The following MTMR1 variants were observed in gnomAD, a reference collection of about 807,000 sequenced individuals.
MTMR1 encodes myotubularin related protein 1, also known as phosphatidylinositol-3-phosphate phosphatase MTMR1.
A neutral mutation model predicts 51.6 loss-of-function variants in MTMR1; 17 were observed. That is an observed-to-expected ratio of 0.33 (90% confidence interval 0.23 to 0.49). The LOEUF is 0.49. MTMR1 is among the 20% of genes least tolerant of loss of function. The pLI is 0.99. For missense variants in MTMR1, 386 were observed against 526.9 expected (o/e 0.73, Z 2.62); for synonymous variants, 201 against 205.6 (o/e 0.98, Z 0.19).
intron 2 of MTMR1, among the ~76,000 whole-genome samples, chrX:150,708,205 A>G: frequency 8.9e-6 from 1 of 111,758 alleles, no homozygotes; most frequent in Non-Finnish European, 1.9e-5. Flanking sequence ...TAGTTTTGTA[A>G]TATGCTACGA....
Position 150,732,598 on chromosome X carries a change from A to G in MTMR1, c.948A>G (p.Pro316=). ...SQATITRCSQ[P]LVGPNDKRCK... ...CAACGATTACCCGTTGCAGCCAGCC[A>G]CTTGTGGGTCCCAATGATAAGCGCT... The change falls in exon 10 of 16, where the codon CCA becomes CCG. Residue 316 remains proline (P), a synonymous_variant. Coordinates refer to ENST00000445323, the MANE Select transcript of MTMR1 (RefSeq NM_001306144.3). The G allele has an allele frequency of 2.5e-6, 3 of 1,211,424 alleles. No homozygotes were observed. The highest frequency in any genetic ancestry group is 1.8e-5 in the South Asian group (1 of 56,842).
intron 12 of MTMR1, among the ~76,000 whole-genome samples, chrX:150,741,574 A>G (rs1260630827): frequency 1.8e-5 from 2 of 112,263 alleles, no homozygotes; most frequent in African/African-American, 6.5e-5. Context: ...TGATTTATAC[A>G]TCTTTGTCCC....
intron 12 of MTMR1, among the ~76,000 whole-genome samples, chrX:150,738,878 G>A (rs1352444040): frequency 6.3e-5 from 7 of 111,937 alleles, no homozygotes; most frequent in Non-Finnish European, 7.5e-5. Context: ...ATATACCTAG[G>A]AGTGAAATTG....
chrX:150,750,979 G>A, intron 14 of MTMR1, 136 bp downstream of exon 14: 1 of 1,107,458 alleles, frequency 9.0e-7, no homozygotes, highest in South Asian at 2.1e-5. Flanking sequence ...CCCTCCCAGG[G>A]TTCTGGCCAG....
intron 2 of MTMR1, 141 bp from the exon 3 acceptor site, chrX:150,712,201 A>G (rs1603240023): frequency 2.1e-6 from 1 of 478,927 alleles, no homozygotes. Flanking sequence ...TTAGAGGGCA[A>G]ATGTGTTATG....
chrX:150,699,405 AT>A, intron 2 of MTMR1, 105 bp downstream of exon 2: 1 of 476,308 alleles, frequency 2.1e-6, no homozygotes, highest in Non-Finnish European at 3.4e-6. Context: ...CAACATGGCC[AT>A]TTGCTCGAGA....
chrX:150,757,051 T>C (rs2042923612), intron 15 of MTMR1, among the ~76,000 whole-genome samples: 1 of 112,474 alleles, frequency 8.9e-6, no homozygotes, highest in Admixed American at 9.3e-5. Flanking sequence ...TGTCAGCCAA[T>C]GATACAGAAA....
intron 15 of MTMR1, among the ~76,000 whole-genome samples, chrX:150,760,799 C>T (rs1032574178): frequency 4.5e-5 from 5 of 110,130 alleles, no homozygotes; most frequent in African/African-American, 9.9e-5. Context: ...TGGTGGCGGG[C>T]GCCTGTAATC....
At chrX:150,697,303 G>T (rs1474234515) in intron 1 of MTMR1, among the ~76,000 whole-genome samples, 3 of 112,085 alleles carry the variant, frequency 2.7e-5, no homozygotes, top group Non-Finnish European at 5.6e-5. Flanking sequence ...GGTCTGTTTT[G>T]ATCAGAGACT....
intron 14 of MTMR1, among the ~76,000 whole-genome samples, chrX:150,751,910 C>CTTTTTTTT (rs35937277): frequency 2.4e-5 from 1 of 41,619 alleles, no homozygotes; most frequent in Non-Finnish European, 4.2e-5. Context: ...CTTTTTCTTT[C>CTTTTTTTT]TTTTTTTTTT....
At chrX:150,731,357 T>C in intron 8 of MTMR1, 113 bp from the exon 9 acceptor site, 1 of 642,830 alleles carries the variant, frequency 1.6e-6, no homozygotes, top group Admixed American at 3.8e-5. Flanking sequence ...AAACAATAAA[T>C]TATAAACGGA....
intron 15 of MTMR1, among the ~76,000 whole-genome samples, chrX:150,760,330 A>AG (rs1361897200): frequency 4.2e-5 from 4 of 96,250 alleles, no homozygotes; most frequent in African/African-American, 1.4e-4. Context: ...GAGGGAGTGC[A>AG]GGGGGGTAAA....
At chrX:150,712,298 A>G in intron 2 of MTMR1, 44 bp from the exon 3 acceptor site, 1 of 1,129,023 alleles carries the variant, frequency 8.9e-7, no homozygotes, top group Non-Finnish European at 1.2e-6. Flanking sequence ...ACAGGTCAAT[A>G]GTAACATGTC....
chrX:150,759,455 C>G (rs139465297), intron 15 of MTMR1, among the ~76,000 whole-genome samples: 1,245 of 109,039 alleles, frequency 0.011, 22 homozygotes, highest in African/African-American at 0.038. Flanking sequence ...AGAACCATGC[C>G]TGATCTGGAG....
At chrX:150,726,034 C>T (rs1165718999) in intron 4 of MTMR1, among the ~76,000 whole-genome samples, 8 of 111,779 alleles carry the variant, frequency 7.2e-5, no homozygotes, top group East Asian at 2.8e-4. Context: ...GCAGGGATCC[C>T]CAACCCATGG....
intron 11 of MTMR1, 33 bp downstream of exon 11, chrX:150,736,813 G>A: frequency 2.6e-6 from 3 of 1,137,755 alleles, no homozygotes; most frequent in Non-Finnish European, 3.5e-6. Context: ...ATGCTTTCCA[G>A]TTAAGACTTC....
intron 2 of MTMR1, among the ~76,000 whole-genome samples, chrX:150,699,893 CCTGGAGCATAACAGTTGCTCAATAA>C (rs2040851097): frequency 8.9e-6 from 1 of 112,404 alleles, no homozygotes; most frequent in Non-Finnish European, 1.9e-5. Context: ...CAGGCACAAT[CCTGGAGCATAACAGTTGCTCAATAA>C]ATATTGAATC....
chrX:150,738,594 G>A (rs1423318374), intron 12 of MTMR1, among the ~76,000 whole-genome samples: 1 of 111,635 alleles, frequency 9.0e-6, no homozygotes, highest in African/African-American at 3.3e-5. Flanking sequence ...CTTGCATATG[G>A]CCACCCTCTG....
intron 2 of MTMR1, among the ~76,000 whole-genome samples, chrX:150,711,464 G>A (rs1312693218): frequency 8.9e-6 from 1 of 112,368 alleles, no homozygotes. Flanking sequence ...TTCAGACTTT[G>A]AAATGGGGAA....
Sources: allele counts gnomAD v4.1 joint callset (sites outside exome capture counted in the v4.1 genomes callset), GRCh38; gene constraint gnomAD v4.1.1; transcripts MANE v1.5; gene names NCBI Gene and HGNC (gene_info 2026-07-23, HGNC 2026-07-21).